ATP2A2: variants seen among roughly 807,000 people sequenced by gnomAD.
ATP2A2 encodes ATPase sarcoplasmic/endoplasmic reticulum Ca2+ transporting 2, also known as sarcoplasmic/endoplasmic reticulum calcium ATPase 2.
A neutral mutation model predicts 109.3 loss-of-function variants in ATP2A2; 14 were observed. The ratio of observed to expected loss-of-function variants is 0.13; its 90% confidence interval spans 0.08 to 0.20. The LOEUF (loss-of-function observed/expected upper bound fraction) is 0.20, where lower values mean the gene tolerates loss of function less well. Ranked by LOEUF, ATP2A2 falls within the 10% of genes least tolerant of loss-of-function variation. The pLI, the probability that ATP2A2 is intolerant of heterozygous loss-of-function variation, is 1.00. For synonymous variants in ATP2A2, 506 were observed against 490.9 expected (o/e 1.03, Z -0.41); for missense variants, 657 against 1,321.6 (o/e 0.50, Z 7.80).
chr12:110,306,374 C>T (rs151090183), intron 5 of ATP2A2, among the ~76,000 whole-genome samples: 69 of 152,254 alleles, frequency 4.5e-4, no homozygotes, highest in Non-Finnish European at 8.2e-4. Flanking sequence ...TTTTTAGATT[C>T]AAGGTACATG....
chr12:110,312,065 G>T (rs1053069570), intron 5 of ATP2A2, among the ~76,000 whole-genome samples: 1 of 152,068 alleles, frequency 6.6e-6, no homozygotes, highest in Non-Finnish European at 1.5e-5. Context: ...TGTAGTCCCT[G>T]CTTCTCGGGA....
Position 110,342,562 on chromosome 12 carries a change from T to C in ATP2A2, c.2318+114T>C. 7.8e-7 allele frequency: 1 copy of C among 1,276,232 alleles called. No individual in the cohort carries two copies. Among genetic ancestry groups the C allele is most frequent in the Non-Finnish European group, 1.1e-6 (1 of 899,012 alleles). 79.1% of individuals were successfully genotyped at this position (1,276,232 alleles called of 1,614,324 possible). A position where few individuals can be genotyped will look rare whatever the true frequency, so the allele number is the denominator to read the frequency against. On this transcript the variant is annotated intron_variant, in intron 15 of 19. Coordinates refer to ENST00000539276, the MANE Select transcript of ATP2A2 (RefSeq NM_170665.4). The surrounding 1 kb of genome is among the most constrained non-coding windows in gnomAD (Gnocchi z 4.6). ...AGCAGCTTTGGTCTTTGTGCCTGAG[T>C]TGGAAGAGGGGAGTGGGCAAGACAG...
At chr12:110,288,302 C>T (rs1018781848) in intron 3 of ATP2A2, among the ~76,000 whole-genome samples, 1 of 151,696 alleles carries the variant, frequency 6.6e-6, no homozygotes, top group Admixed American at 6.6e-5. Flanking sequence ...TAGGGTCTCA[C>T]TATGTTACTC....
intron 3 of ATP2A2, among the ~76,000 whole-genome samples, chr12:110,285,194 G>A (rs1433113700): frequency 1.3e-5 from 2 of 152,188 alleles, no homozygotes; most frequent in Non-Finnish European, 2.9e-5. Flanking sequence ...GCATAGAATA[G>A]GAAGCTATGC....
At position 110,281,913 on chromosome 12, in the gene ATP2A2, T is replaced by G. The variant is rs1592782380; in HGVS notation, c.118+6T>G. 6.4e-7 allele frequency: 1 copy of G among 1,566,056 alleles called. No homozygotes were observed. ...GGAGAGATGGGGCTCCAACGGTAGGTGCAGGGCGCTCCGCTGCAGGGGCCC... is the reference window on the plus strand; with the variant it reads ...GGAGAGATGGGGCTCCAACGGTAGGGGCAGGGCGCTCCGCTGCAGGGGCCC... On this transcript the variant is annotated splice_donor_region_variant and intron_variant, in intron 1 of 19. Transcript: ENST00000539276.
At chr12:110,290,915 T>C (rs1268181257) in intron 3 of ATP2A2, among the ~76,000 whole-genome samples, 2 of 149,864 alleles carry the variant, frequency 1.3e-5, no homozygotes, top group African/African-American at 4.9e-5. Context: ...TGAAGTATAG[T>C]TTTTTGTTTG....
At chr12:110,296,510 G>A in intron 4 of ATP2A2, 89 bp from the exon 5 acceptor site, 1 of 1,548,130 alleles carries the variant, frequency 6.5e-7, no homozygotes, top group Non-Finnish European at 8.9e-7. Context: ...TCTTTTTAAA[G>A]ATTAGACCTC....
At chr12:110,320,691 C>T (rs527328501) in intron 5 of ATP2A2, among the ~76,000 whole-genome samples, 13 of 152,330 alleles carry the variant, frequency 8.5e-5, no homozygotes, top group Admixed American at 2.6e-4. Flanking sequence ...CTGAATATTG[C>T]TGTTCATTGC....
intron 5 of ATP2A2, among the ~76,000 whole-genome samples, chr12:110,305,344 G>A (rs544984442): frequency 6.6e-6 from 1 of 152,286 alleles, no homozygotes; most frequent in South Asian, 2.1e-4. Flanking sequence ...GGAGGCTGCA[G>A]TGAGCTACTA....
At chr12:110,311,607 A>AC (rs1309276656) in intron 5 of ATP2A2, among the ~76,000 whole-genome samples, 9 of 149,562 alleles carry the variant, frequency 6.0e-5, no homozygotes, top group African/African-American at 1.7e-4. Context: ...AAAAAAAAAA[A>AC]AAAAAAAAAA....
rs1386407851 is a variant in ATP2A2 at position 110,334,186 on chromosome 12, T to C, written c.1419+43T>C. 3.1e-6 allele frequency: 5 copies of C among 1,609,720 alleles called. No homozygotes were observed. The South Asian group carries it at 5.5e-5, about 18-fold the overall frequency. On this transcript the variant is annotated intron_variant, in intron 11 of 19. Coordinates refer to ENST00000539276, the MANE Select transcript of ATP2A2 (RefSeq NM_170665.4). The stretch of plus-strand genomic sequence containing the variant: ...GTTTATTGTTCATGCTGCTTATCAG[T>C]CGTACTATATATACTTAGTGTCTGC...
At chr12:110,325,486 T>C (rs916821152) in intron 6 of ATP2A2, among the ~76,000 whole-genome samples, 1 of 151,274 alleles carries the variant, frequency 6.6e-6, no homozygotes, top group Non-Finnish European at 1.5e-5. Context: ...ATACAAAAAT[T>C]AGCTGGGCAT....
intron 3 of ATP2A2, among the ~76,000 whole-genome samples, chr12:110,284,899 A>G (rs1872515437): frequency 1.3e-5 from 2 of 152,150 alleles, no homozygotes; most frequent in Admixed American, 1.3e-4. Flanking sequence ...GATTTTCTTC[A>G]TGTGGGGTTG....
At chr12:110,300,868 G>C (rs1874554806) in intron 5 of ATP2A2, among the ~76,000 whole-genome samples, 1 of 152,054 alleles carries the variant, frequency 6.6e-6, no homozygotes. Flanking sequence ...TTACGTGACT[G>C]GGTGTGATGA....
chr12:110,305,969 G>A (rs998208705), intron 5 of ATP2A2, among the ~76,000 whole-genome samples: 6 of 151,710 alleles, frequency 4.0e-5, no homozygotes, highest in Non-Finnish European at 5.9e-5. Flanking sequence ...CATTTTTGGC[G>A]GGGGGAATAT....
At chr12:110,337,181 C>CA (rs1259117763) in intron 11 of ATP2A2, among the ~76,000 whole-genome samples, 11 of 152,180 alleles carry the variant, frequency 7.2e-5, no homozygotes, top group Admixed American at 1.3e-4. Flanking sequence ...TCATGCTGCT[C>CA]ATTCACTAAG....
intron 5 of ATP2A2, among the ~76,000 whole-genome samples, chr12:110,321,742 T>G (rs1159746230): frequency 1.3e-5 from 2 of 152,124 alleles, no homozygotes; most frequent in Non-Finnish European, 2.9e-5. Flanking sequence ...AGCTGCTTTG[T>G]GTGATTGTGC....
intron 5 of ATP2A2, among the ~76,000 whole-genome samples, chr12:110,297,020 C>G (rs749439652): frequency 6.6e-6 from 1 of 151,970 alleles, no homozygotes; most frequent in Admixed American, 6.6e-5. Context: ...GAGGTAAAAC[C>G]TAATGTTGAT....
Position 110,346,392 on chromosome 12 carries a change from G to C in ATP2A2, c.3051G>C (p.Pro1017=). The C allele has an allele frequency of 6.2e-7, 1 of 1,614,206 alleles. No homozygotes were observed. The highest frequency in any genetic ancestry group is 8.5e-7 in the Non-Finnish European group (1 of 1,180,036). ...FSACTDGISW[P]FVLLIMPLVI... ...CATGCACCGATGGGATTTCCTGGCC[G>C]TTTGTGCTGCTCATAATGCCCCTGG... The change falls in exon 20 of 20, where the codon CCG becomes CCC. Residue 1017 remains proline, a synonymous_variant. Transcript: ENST00000539276.
Sources: gnomAD v4.1 joint callset for allele counts (sites outside exome capture counted in the v4.1 genomes callset) on GRCh38, gnomAD v4.1.1 for gene constraint, Gnocchi (gnomAD v3.1) non-coding constraint, MANE v1.5 for transcripts, NCBI Gene and HGNC (gene_info 2026-07-23, HGNC 2026-07-21) for gene names.